The following ASAP2 variants were observed in gnomAD, a reference collection of about 807,000 sequenced individuals.
ASAP2 encodes the protein ArfGAP with SH3 domain, ankyrin repeat and PH domain 2.
In ASAP2, 45 loss-of-function variants were observed where a neutral mutation model predicts 131.4. The ratio of observed to expected loss-of-function variants is 0.34; its 90% CI spans 0.27 to 0.44. ASAP2 has a LOEUF of 0.44. Ranked by LOEUF, ASAP2 falls within the 20% of genes least tolerant of loss-of-function variation. ASAP2 has a pLI of 1.00. For missense variants in ASAP2, 1,011 were observed against 1,297.0 expected (o/e 0.78, Z 3.39); for synonymous variants, 510 against 503.0 (o/e 1.01, Z -0.19).
chr2:9,251,915 T>C (rs1239808969), intron 1 of ASAP2, among the ~76,000 whole-genome samples: 2 of 152,052 alleles, frequency 1.3e-5, no homozygotes, highest in African/African-American at 4.8e-5. Flanking sequence ...TGTGCCCACA[T>C]TGCTTTTTTT....
chr2:9,296,210 G>A (rs1166131775), intron 2 of ASAP2, among the ~76,000 whole-genome samples: 1 of 152,214 alleles, frequency 6.6e-6, no homozygotes, highest in African/African-American at 2.4e-5. Flanking sequence ...AAATTAGGTA[G>A]CCATGCAGAT....
intron 24 of ASAP2, among the ~76,000 whole-genome samples, chr2:9,394,774 G>C (rs1675987599): frequency 2.0e-5 from 3 of 152,200 alleles, no homozygotes; most frequent in African/African-American, 7.2e-5. Context: ...TCTGCTGACA[G>C]ATTGTCAGGA....
At chr2:9,330,271 A>G (rs1670746630) in intron 7 of ASAP2, among the ~76,000 whole-genome samples, 1 of 152,218 alleles carries the variant, frequency 6.6e-6, no homozygotes, top group African/African-American at 2.4e-5. Flanking sequence ...TTGCAGCAAT[A>G]GGGATAGAAC....
chr2:9,393,131 C>T (rs978957069), intron 23 of ASAP2, among the ~76,000 whole-genome samples: 1 of 152,178 alleles, frequency 6.6e-6, no homozygotes. Context: ...GCCCTGCTTC[C>T]CCGGGCAGAG....
chr2:9,307,630 G>C (rs538816770), intron 3 of ASAP2, among the ~76,000 whole-genome samples: 2 of 152,286 alleles, frequency 1.3e-5, no homozygotes, highest in East Asian at 3.9e-4. Flanking sequence ...AGTGGAGAAG[G>C]GGGCAGAGGG....
At chr2:9,242,515 C>T (rs560490829) in intron 1 of ASAP2, among the ~76,000 whole-genome samples, 3 of 152,316 alleles carry the variant, frequency 2.0e-5, no homozygotes, top group South Asian at 2.1e-4. Flanking sequence ...TGGGCACTTG[C>T]GGTGCCCTCA....
chr2:9,320,173 C>T (rs998106636), intron 4 of ASAP2, 115 bp from the exon 5 acceptor site: 5 of 834,430 alleles, frequency 6.0e-6, no homozygotes, highest in East Asian at 2.6e-5. Flanking sequence ...GGATTACATA[C>T]GTCATTTATT....
At position 9,212,911 on chromosome 2, in the gene ASAP2, C is replaced by T. The variant is rs992407223; in HGVS notation, c.126+5681C>T. 3.9e-5 allele frequency among the ~76,000 whole-genome samples: 6 copies of T among 152,202 alleles called. No homozygotes were observed. In the East Asian group the frequency reaches 9.6e-4, roughly 24 times the overall value. ...CGAAGCACTGTTCGAGACGGAACCC[C>T]GGCTGCACACTGGAGTTGCTTGGGC... On this transcript the variant is annotated intron_variant, in intron 1 of 27. Coordinates refer to ENST00000281419, the MANE Select transcript of ASAP2 (RefSeq NM_003887.3).
intron 1 of ASAP2, among the ~76,000 whole-genome samples, chr2:9,239,004 G>A (rs1663752500): frequency 6.6e-6 from 1 of 152,106 alleles, no homozygotes; most frequent in African/African-American, 2.4e-5. Context: ...AGAAAGAGTG[G>A]CCTCCTGCCC....
rs375140981 is a variant in ASAP2, at chr2:9,390,407, C to T, written c.2384-655C>T. Among the ~76,000 whole-genome samples, 94 of 152,372 alleles carry T rather than the reference C, an allele frequency of 6.2e-4. 1 individual carries two copies. The South Asian group carries it at 0.019, about 30-fold the overall frequency. ...CCTACAGGCCGTGCACAGCCTCCAA[C>T]ATGGGGTCACACCTAGCACCTGGGC... On this transcript the variant is annotated intron_variant, in intron 22 of 27. Coordinates refer to ENST00000281419, the MANE Select transcript of ASAP2 (RefSeq NM_003887.3).
chr2:9,356,016 G>A (rs1672673048), intron 12 of ASAP2, 31 bp from the exon 13 acceptor site: 5 of 1,612,664 alleles, frequency 3.1e-6, no homozygotes, highest in African/African-American at 1.3e-5. Context: ...TGCTGTCTGG[G>A]CTCACAGTTG....
In ASAP2 at chr2:9,361,835, G is replaced by A. The variant is rs566185887; in HGVS notation, c.1461+2946G>A. On this transcript the variant is annotated intron_variant, in intron 15 of 27. Transcript: ENST00000281419. ...CTGCTTTGGCCTCCCAAAATGCTGG[G>A]ATTACAGGTGTGAGCCACTGCGCTT... Among the ~76,000 whole-genome samples, 13 of 152,312 alleles carry A rather than the reference G, an allele frequency of 8.5e-5. No homozygotes were observed. The South Asian group carries it at 2.5e-3, about 29-fold the overall frequency.
Position 9,391,049 on chromosome 2 carries a change from C to T in ASAP2, c.2384-13C>T, listed in dbSNP as rs764907557. The T allele has an allele frequency of 7.4e-6, 12 of 1,614,134 alleles. No individual in the cohort carries two copies. The highest frequency in any genetic ancestry group is 1.7e-4 in the Middle Eastern group (1 of 6,060). ...GTGCGTGCATGCGTCTGTGTGCATG[C>T]GTGTGGGTTCAGTTCAGACAGCCTC... On this transcript the variant is annotated splice_polypyrimidine_tract_variant and intron_variant, in intron 22 of 27. Transcript: ENST00000281419.
At chr2:9,362,573 C>T (rs1210993092) in intron 15 of ASAP2, among the ~76,000 whole-genome samples, 2 of 151,972 alleles carry the variant, frequency 1.3e-5, no homozygotes, top group African/African-American at 2.4e-5. Context: ...GTGTGGTGGC[C>T]GGCGCCTGTA....
At chr2:9,277,427 G>A (rs529000509) in intron 1 of ASAP2, among the ~76,000 whole-genome samples, 2 of 152,300 alleles carry the variant, frequency 1.3e-5, no homozygotes, top group African/African-American at 2.4e-5. Flanking sequence ...TTGAAGGAAG[G>A]TAGGAATGGA....
At chr2:9,349,815 C>T (rs905391041) in intron 11 of ASAP2, among the ~76,000 whole-genome samples, 1 of 152,198 alleles carries the variant, frequency 6.6e-6, no homozygotes, top group Admixed American at 6.5e-5. Flanking sequence ...CCTGTAAGTG[C>T]TTGAGGGTTT....
At chr2:9,227,180 C>G (rs1662833777) in intron 1 of ASAP2, among the ~76,000 whole-genome samples, 2 of 152,206 alleles carry the variant, frequency 1.3e-5, no homozygotes, top group Non-Finnish European at 2.9e-5. Flanking sequence ...ATTATCTCCA[C>G]TTCCTCCATT....
chr2:9,282,918 TC>T lies in ASAP2; in HGVS notation c.199+3530del, dbSNP rs1410136719. 3.3e-5 allele frequency among the ~76,000 whole-genome samples: 5 copies of T among 152,348 alleles called. No individual in the cohort carries two copies. In the East Asian group the frequency reaches 9.6e-4, roughly 29 times the overall value. ...TTCCTGAGTGTGTGCCAGCTGTACT[TC>T]TGTGTCTTTGCACAGCCCCACCCAG... On this transcript the variant is annotated intron_variant, in intron 2 of 27. Coordinates refer to ENST00000281419, the MANE Select transcript of ASAP2 (RefSeq NM_003887.3).
At chr2:9,209,808 A>G (rs918521713) in intron 1 of ASAP2, among the ~76,000 whole-genome samples, 1 of 152,204 alleles carries the variant, frequency 6.6e-6, no homozygotes, top group African/African-American at 2.4e-5. Flanking sequence ...ACCTCAGGTG[A>G]TCCACCTGCC....
Sources: gnomAD v4.1 joint callset for allele counts (sites outside exome capture counted in the v4.1 genomes callset) on GRCh38, gnomAD v4.1.1 for gene constraint, MANE v1.5 for transcripts, NCBI Gene and HGNC (gene_info 2026-07-23, HGNC 2026-07-21) for gene names.